Variants in DTX1 observed in about 807,000 individuals in gnomAD.
DTX1 encodes the protein E3 ubiquitin-protein ligase DTX1.
In DTX1, 26 loss-of-function variants were observed where a neutral mutation model predicts 57.8. The observed-to-expected ratio is 0.45, with a 90% CI of 0.33 to 0.62. The LOEUF (loss-of-function observed/expected upper bound fraction) is 0.62. Among genes scored for constraint, DTX1 ranks in the 20% least tolerant of loss-of-function variants. DTX1 has a pLI of 0.02. For missense variants in DTX1, 704 were observed against 895.3 expected, an observed-to-expected ratio of 0.79 and a Z score of 2.73; for synonymous variants, 398 against 394.1, an observed-to-expected ratio of 1.01 and a Z score of -0.12.
At chr12:113,095,001 G>C (rs768063861) in intron 7 of DTX1, 41 bp from the exon 8 acceptor site, 28 of 1,603,182 alleles carry the variant, frequency 1.7e-5, no homozygotes, top group Non-Finnish European at 2.2e-5. Context: ...AGTGGGGTTT[G>C]GGGGGGTGCT....
At chr12:113,089,620 T>A (rs1478418308) in intron 3 of DTX1, among the ~76,000 whole-genome samples, 1 of 152,138 alleles carries the variant, frequency 6.6e-6, no homozygotes, top group African/African-American at 2.4e-5. Flanking sequence ...GCTCCCACGC[T>A]CAGGGTTCGT....
rs746573544 is a variant in DTX1, at chr12:113,095,381, C to T, written c.1605C>T (p.His535=). The T allele has an allele frequency of 1.9e-6, 3 of 1,614,246 alleles. No homozygotes were observed. Among genetic ancestry groups the T allele is most frequent in the Non-Finnish European group, 2.5e-6 (3 of 1,180,048 alleles). The change falls in exon 9 of 10, where the codon CAC becomes CAT. Residue 535 remains histidine (H), a synonymous_variant. Transcript: ENST00000548759. ...TCACCGCAAGAGGATTCCCTCGCCA[C>T]TGCTATCTACCCAACAACGAGAAAG... ...KKFTARGFPR[H]CYLPNNEKGR...
intron 6 of DTX1, 112 bp downstream of exon 6, chr12:113,094,211 C>A: frequency 1.1e-6 from 1 of 948,952 alleles, no homozygotes; most frequent in Non-Finnish European, 1.6e-6. Flanking sequence ...TTGTTCCTTT[C>A]TTCACTTTAT....
intron 3 of DTX1, among the ~76,000 whole-genome samples, 184 bp downstream of exon 3, chr12:113,078,289 C>T (rs1005185864): frequency 6.6e-6 from 1 of 152,112 alleles, no homozygotes; most frequent in African/African-American, 2.4e-5. Flanking sequence ...TACATGTTCC[C>T]ACACATCTAT....
intron 3 of DTX1, 64 bp downstream of exon 3, chr12:113,078,169 G>A (rs2136059646): frequency 1.6e-6 from 2 of 1,224,702 alleles, no homozygotes; most frequent in Admixed American, 4.5e-5. Context: ...AAGCCCGGGG[G>A]TGGTTGGCCA....
rs1162040145 is a variant in DTX1, at chr12:113,096,909, G to A, written c.1833G>A (p.Gln611=). ...ACGTGCTGGCTGAGCTCACAGCCCAGGGCGTATCCGAGGCTGCAGCCAAGG... is the reference window on the plus strand; with the variant it reads ...ACGTGCTGGCTGAGCTCACAGCCCAAGGCGTATCCGAGGCTGCAGCCAAGG... The part of the protein sequence containing the change: ...LDNVLAELTA[Q]GVSEAAAKA The change falls in exon 10 of 10, where the codon CAG becomes CAA. Residue 611 remains glutamine, a synonymous_variant. Transcript: ENST00000548759. The A allele has an allele frequency of 3.1e-6, 5 of 1,612,466 alleles. No individual in the cohort carries two copies. Among genetic ancestry groups the A allele is most frequent in the Non-Finnish European group, 3.4e-6 (4 of 1,179,964 alleles).
intron 6 of DTX1, 27 bp from the exon 7 acceptor site, chr12:113,094,762 C>T: frequency 6.2e-7 from 1 of 1,605,524 alleles, no homozygotes. Context: ...CTCCCCAGTC[C>T]TCAGTCTCCC....
intron 2 of DTX1, among the ~76,000 whole-genome samples, chr12:113,067,183 C>T (rs947937668): frequency 5.3e-5 from 8 of 151,894 alleles, no homozygotes; most frequent in African/African-American, 1.7e-4. Context: ...CCTCTTGTCC[C>T]GATGACCGAC....
chr12:113,093,843 C>G lies in DTX1; in HGVS notation c.1165+143C>G. On this transcript the variant is annotated intron_variant, in intron 5 of 9. Transcript: ENST00000548759. This position sits in a 1 kb window ranked among gnomAD's most constrained non-coding sequence, Gnocchi z 4.2. ...ATCTCAGCTCCCCTTGCCCTGGCCC[C>G]ATCTTTCACCAGCTCCTGTTACAGC... The G allele has an allele frequency of 7.0e-7, 1 of 1,423,856 alleles. No individual in the cohort carries two copies. Among genetic ancestry groups the G allele is most frequent in the Non-Finnish European group, 9.6e-7 (1 of 1,043,240 alleles). 88.2% of individuals were successfully genotyped at this position (1,423,856 alleles called of 1,614,324 possible). A position where few individuals can be genotyped will look rare whatever the true frequency, so the allele number is the denominator to read the frequency against.
chr12:113,057,935 A>G lies in DTX1; in HGVS notation c.-258A>G, dbSNP rs187156067. On this transcript the variant is annotated 5_prime_UTR_variant, in exon 2 of 10. It adds an upstream start codon to the 5' untranslated region. Coordinates refer to ENST00000548759, the MANE Select transcript of DTX1 (RefSeq NM_004416.3). ...ACTTTAGAGCTGTTTCCTCCGGCAT[A>G]AGAGAGACACTTGCTTTCCAGGGCA... The G allele has an allele frequency of 1.8e-6, 1 of 568,052 alleles. No individual in the cohort carries two copies. The highest frequency in any genetic ancestry group is 1.9e-5 in the African/African-American group (1 of 53,586). The allele number at this position is 568,052 out of a possible 1,614,324, so 35.2% of individuals were successfully genotyped here.
intron 3 of DTX1, among the ~76,000 whole-genome samples, chr12:113,086,448 T>A (rs1370604917): frequency 6.6e-6 from 1 of 151,858 alleles, no homozygotes; most frequent in East Asian, 1.9e-4. Flanking sequence ...TCACACAGGG[T>A]CTGGAAGGTT....
chr12:113,094,129 G>A, intron 6 of DTX1, 30 bp downstream of exon 6: 2 of 1,425,406 alleles, frequency 1.4e-6, no homozygotes, highest in East Asian at 2.4e-5. Flanking sequence ...GCTGGGGGAG[G>A]GCCCTGGCAT....
chr12:113,080,000 G>A (rs371714740), intron 3 of DTX1, among the ~76,000 whole-genome samples: 3 of 152,264 alleles, frequency 2.0e-5, no homozygotes, highest in East Asian at 3.9e-4. Context: ...ATCTACACTG[G>A]CAGTAGTTCA....
At chr12:113,062,069 A>T (rs1475346878) in intron 2 of DTX1, among the ~76,000 whole-genome samples, 1 of 149,356 alleles carries the variant, frequency 6.7e-6, no homozygotes, top group East Asian at 2.0e-4. Context: ...ACACACACAC[A>T]CTCCAACATA....
chr12:113,078,751 GC>G (rs1592848997), intron 3 of DTX1, among the ~76,000 whole-genome samples: 2 of 152,208 alleles, frequency 1.3e-5, no homozygotes, highest in East Asian at 3.9e-4. Context: ...CCCAGTCCAT[GC>G]CCACCTCACA....
rs1950266109 is a variant in DTX1 at position 113,093,981 on chromosome 12, A to G, written c.1166-57A>G. ...CTGACCCCTGACCCAGTTCTGAGCC[A>G]AGCCTTCGGGGACAGACTCTGGGTA... On this transcript the variant is annotated intron_variant, in intron 5 of 9. Coordinates refer to ENST00000548759, the MANE Select transcript of DTX1 (RefSeq NM_004416.3). This position sits in a 1 kb window ranked among gnomAD's most constrained non-coding sequence, Gnocchi z 4.2. 53 of 1,554,688 alleles carry G rather than the reference A, an allele frequency of 3.4e-5. No homozygotes were observed. Among genetic ancestry groups the G allele is most frequent in the Non-Finnish European group, 4.5e-5 (52 of 1,147,516 alleles).
At chr12:113,082,219 C>T (rs960738635) in intron 3 of DTX1, among the ~76,000 whole-genome samples, 2 of 152,116 alleles carry the variant, frequency 1.3e-5, no homozygotes, top group African/African-American at 4.8e-5. Context: ...CATCCCTCCC[C>T]ACCCACGCAG....
At chr12:113,084,998 CAT>C (rs2044845633) in intron 3 of DTX1, among the ~76,000 whole-genome samples, 1 of 27,666 alleles carries the variant, frequency 3.6e-5, no homozygotes, top group South Asian at 7.3e-4. Context: ...CACAGGCCCA[CAT>C]AGTCCATCAT....
chr12:113,077,921 T>A lies in DTX1; in HGVS notation c.757T>A (p.Phe253Ile). Reference protein sequence around the residue: ...GALAVRPSATFTGAALWAAPA... With the variant: ...GALAVRPSATITGAALWAAPA... ...GCTTGCCGTGCGCCCCAGCGCCACCTTCACAGGCGCCGCGCTCTGGGCAGC... is the reference window on the plus strand; with the variant it reads ...GCTTGCCGTGCGCCCCAGCGCCACCATCACAGGCGCCGCGCTCTGGGCAGC... The change falls in exon 3 of 10, where the codon TTC becomes ATC. Residue 253 changes from phenylalanine to isoleucine, a missense_variant. Phe to Ile is a conservative substitution (Grantham distance 21, BLOSUM62 0). Transcript: ENST00000548759. This position sits in a 1 kb window ranked among gnomAD's most constrained non-coding sequence, Gnocchi z 7.8. The A allele has an allele frequency of 8.5e-7, 1 of 1,177,028 alleles. No individual in the cohort carries two copies. Among genetic ancestry groups the A allele is most frequent in the Non-Finnish European group, 1.0e-6 (1 of 955,568 alleles). The allele number at this position is 1,177,028 out of a possible 1,614,324, so 72.9% of individuals were successfully genotyped here.
Sources: allele counts gnomAD v4.1 joint callset (sites outside exome capture counted in the v4.1 genomes callset), GRCh38; gene constraint gnomAD v4.1.1; non-coding constraint Gnocchi (gnomAD v3.1); transcripts MANE v1.5; gene names NCBI Gene and HGNC (gene_info 2026-07-23, HGNC 2026-07-21).